EVC2: variants seen among roughly 807,000 people sequenced by gnomAD.
The protein encoded by EVC2 is limbin.
In EVC2, 148 loss-of-function variants were observed where a neutral mutation model predicts 149.3. The observed-to-expected ratio is 0.99, with a 90% CI of 0.87 to 1.14. The LOEUF (loss-of-function observed/expected upper bound fraction) is 1.14. Ranked by LOEUF, EVC2 falls within the 50% of genes most tolerant of loss-of-function variation. The pLI is 0.00. For missense variants in EVC2, 1,854 were observed against 1,627.3 expected, an observed-to-expected ratio of 1.14 and a Z score of -2.40; for synonymous variants, 776 against 649.9, an observed-to-expected ratio of 1.19 and a Z score of -2.95.
At chr4:5,552,166 A>G (rs908788067) in intron 21 of EVC2, among the ~76,000 whole-genome samples, 1 of 152,156 alleles carries the variant, frequency 6.6e-6, no homozygotes, top group African/African-American at 2.4e-5. Context: ...TTTGTTATCC[A>G]TTTTACATAC....
chr4:5,699,719 G>A (rs1037090107), intron 1 of EVC2, among the ~76,000 whole-genome samples: 6 of 152,026 alleles, frequency 3.9e-5, no homozygotes, highest in Non-Finnish European at 5.9e-5. Context: ...TACTTGGGAG[G>A]CTGAGGCAGA....
intron 1 of EVC2, among the ~76,000 whole-genome samples, chr4:5,700,565 G>T (rs1721760570): frequency 6.6e-6 from 1 of 152,156 alleles, no homozygotes; most frequent in Non-Finnish European, 1.5e-5. Context: ...GGTTCCCAGG[G>T]AGCAAAGGAC....
chr4:5,640,926 T>A lies in EVC2; in HGVS notation c.1146-88A>T. 1 of 1,480,252 alleles carries A rather than the reference T, an allele frequency of 6.8e-7. No individual in the cohort carries two copies. The highest frequency in any genetic ancestry group is 1.7e-5 in the Admixed American group (1 of 59,464). The allele number at this position is 1,480,252 out of a possible 1,614,324, so 91.7% of individuals were successfully genotyped here. On this transcript the variant is annotated intron_variant, in intron 9 of 21. Coordinates refer to ENST00000344408, the MANE Select transcript of EVC2 (RefSeq NM_147127.5). The surrounding 1 kb of genome is among the most constrained non-coding windows in gnomAD (Gnocchi z 4.6). Reference sequence around the variant, plus strand: ...TTCAAAGCTCTGAGGTTTTCATTTATGTGTAGGCAAGGGCTTTCTTCGTCT... The same window carrying A: ...TTCAAAGCTCTGAGGTTTTCATTTAAGTGTAGGCAAGGGCTTTCTTCGTCT...
the EVC2 span, among the ~76,000 whole-genome samples, chr4:5,531,537 C>T: frequency 6.0e-4 from 92 of 152,236 alleles, no homozygotes; most frequent in Non-Finnish European, 1.1e-3. Context: ...ATTGCTTGCT[C>T]GCATTACTGT....
chr4:5,622,925 G>A lies in EVC2; in HGVS notation c.2113C>T (p.Gln705Ter). 1.2e-6 allele frequency: 2 copies of A among 1,614,142 alleles called. No individual in the cohort carries two copies. Among genetic ancestry groups the A allele is most frequent in the African/African-American group, 1.3e-5 (1 of 75,028 alleles). The stretch of plus-strand genomic sequence containing the variant: ...AGGCTCCTCTTCTGGTGCAGGTACT[G>A]GCCGGCATCCTCAACCGTTCGGAAG... ...EAFRTVEDAG[Q>*]YLHQKRSLME... Residue 705 changes from glutamine to a stop codon, truncating the protein, a stop_gained, in exon 14 of 22, where the codon CAG becomes TAG. Transcript: ENST00000344408. LOFTEE classifies it high-confidence loss of function. This position sits in a 1 kb window ranked among gnomAD's most constrained non-coding sequence, Gnocchi z 5.8.
downstream of EVC2, among the ~76,000 whole-genome samples, chr4:5,538,321 T>G (rs188072229): frequency 1.8e-4 from 28 of 152,296 alleles, no homozygotes; most frequent in Admixed American, 1.1e-3. Flanking sequence ...AAATTTAACT[T>G]TTAGTTTAAA....
chr4:5,654,910 GC>G (rs1473950107), intron 9 of EVC2, among the ~76,000 whole-genome samples: 1 of 152,168 alleles, frequency 6.6e-6, no homozygotes, highest in East Asian at 1.9e-4. Flanking sequence ...CCTGCACCAT[GC>G]TTCTCGGCAC....
intron 7 of EVC2, among the ~76,000 whole-genome samples, chr4:5,666,890 T>C (rs1719317973): frequency 6.6e-6 from 1 of 152,230 alleles, no homozygotes; most frequent in African/African-American, 2.4e-5. Flanking sequence ...TGTCACTTAG[T>C]TCTCAGTTTG....
chr4:5,669,524 T>C (rs1376910731), intron 7 of EVC2, among the ~76,000 whole-genome samples: 2 of 152,314 alleles, frequency 1.3e-5, no homozygotes, highest in East Asian at 1.9e-4. Flanking sequence ...TCCCACACCA[T>C]GGTAGAAGTT....
intron 3 of EVC2, among the ~76,000 whole-genome samples, chr4:5,693,682 A>T (rs1721273424): frequency 6.6e-6 from 1 of 152,192 alleles, no homozygotes; most frequent in Non-Finnish European, 1.5e-5. Flanking sequence ...AATTAACATC[A>T]CTACTTAGCA....
At chr4:5,703,284 A>T (rs751138556) in intron 1 of EVC2, among the ~76,000 whole-genome samples, 2 of 152,302 alleles carry the variant, frequency 1.3e-5, no homozygotes, top group Non-Finnish European at 2.9e-5. Context: ...TGTTCTTATC[A>T]TCACCATCAT....
At chr4:5,601,784 G>A (rs760003427) in intron 16 of EVC2, among the ~76,000 whole-genome samples, 2 of 152,176 alleles carry the variant, frequency 1.3e-5, no homozygotes, top group Non-Finnish European at 1.5e-5. Flanking sequence ...TAACAACAAC[G>A]ATAAAACCAG....
intron 9 of EVC2, among the ~76,000 whole-genome samples, chr4:5,656,020 G>C (rs1404852785): frequency 6.6e-6 from 1 of 152,182 alleles, no homozygotes; most frequent in Non-Finnish European, 1.5e-5. Context: ...GGGGGAGGTA[G>C]GCAAGCTGCA....
In EVC2 at chr4:5,640,568, T is replaced by C. The variant is rs773490849; in HGVS notation, c.1416A>G (p.Arg472=). 1 of 1,614,064 alleles carries C rather than the reference T, an allele frequency of 6.2e-7. No homozygotes were observed. Among genetic ancestry groups the C allele is most frequent in the Non-Finnish European group, 8.5e-7 (1 of 1,180,030 alleles). Residue 472 remains arginine (R), a synonymous_variant, in exon 10 of 22, where the codon AGA becomes AGG. Coordinates refer to ENST00000344408, the MANE Select transcript of EVC2 (RefSeq NM_147127.5). The surrounding 1 kb of genome is among the most constrained non-coding windows in gnomAD (Gnocchi z 4.6). ...TRKKMENQYQ[R]EMMAMEEAEE... is the part of the protein sequence containing the mutation. ...CTGCTTCCTCCATTGCCATCATCTC[T>C]CTCTGGTACTGGTTTTCCATCTTCT...
chr4:5,665,658 A>G lies in EVC2; in HGVS notation c.871-9T>C, dbSNP rs1256345747. ...CCGTGGTGCGGCAGAACCTGTGGAGACAAGAGGAGAGCAGGATTCATGTGT... is the reference window on the plus strand; with the variant it reads ...CCGTGGTGCGGCAGAACCTGTGGAGGCAAGAGGAGAGCAGGATTCATGTGT... On this transcript the variant is annotated splice_polypyrimidine_tract_variant and intron_variant, in intron 7 of 21. Coordinates refer to ENST00000344408, the MANE Select transcript of EVC2 (RefSeq NM_147127.5). 6.2e-7 allele frequency: 1 copy of G among 1,614,002 alleles called. No individual in the cohort carries two copies. Among genetic ancestry groups the G allele is most frequent in the Non-Finnish European group, 8.5e-7 (1 of 1,179,980 alleles).
chr4:5,581,463 T>A (rs184293564), intron 17 of EVC2, among the ~76,000 whole-genome samples: 1 of 152,358 alleles, frequency 6.6e-6, no homozygotes, highest in Non-Finnish European at 1.5e-5. Context: ...ACTTTTGCCA[T>A]GCTTTAGCAA....
At chr4:5,694,212 A>T in intron 3 of EVC2, 123 bp downstream of exon 3, 1 of 946,414 alleles carries the variant, frequency 1.1e-6, no homozygotes, top group Non-Finnish European at 1.7e-6. Context: ...AACTATATTT[A>T]GTGAAAGAGG....
At chr4:5,626,492 C>T (rs1424310597) in intron 12 of EVC2, among the ~76,000 whole-genome samples, 2 of 141,896 alleles carry the variant, frequency 1.4e-5, no homozygotes, top group African/African-American at 6.1e-5. Flanking sequence ...TGCCACCACG[C>T]CAGCTAATTT....
At chr4:5,644,889 C>T (rs1419557299) in intron 9 of EVC2, among the ~76,000 whole-genome samples, 2 of 152,144 alleles carry the variant, frequency 1.3e-5, no homozygotes, top group Non-Finnish European at 2.9e-5. Flanking sequence ...AAAAACATTC[C>T]ATTGTGTATT....
Sources: gnomAD v4.1 joint callset for allele counts (sites outside exome capture counted in the v4.1 genomes callset) on GRCh38, gnomAD v4.1.1 for gene constraint, Gnocchi (gnomAD v3.1) non-coding constraint, MANE v1.5 for transcripts, NCBI Gene and HGNC (gene_info 2026-07-23, HGNC 2026-07-21) for gene names.